SLCO3A1: variants seen among roughly 807,000 people sequenced by gnomAD.
SLCO3A1 encodes the protein solute carrier organic anion transporter family member 3A1.
SLCO3A1 carries 27 observed loss-of-function variants against 63.1 expected under a neutral mutation model. That is an observed-to-expected ratio of 0.43 (90% CI 0.32 to 0.59). SLCO3A1 has a LOEUF of 0.59. Ranked by LOEUF, SLCO3A1 falls within the 20% of genes least tolerant of loss-of-function variation. SLCO3A1 has a pLI of 0.09. For missense variants in SLCO3A1, 773 were observed against 945.8 expected (o/e 0.82, Z 2.40); for synonymous variants, 473 against 409.9 (o/e 1.15, Z -1.86).
intron 5 of SLCO3A1, among the ~76,000 whole-genome samples, chr15:92,122,228 C>T (rs143936744): frequency 7.2e-5 from 11 of 152,156 alleles, no homozygotes; most frequent in East Asian, 1.9e-4. Flanking sequence ...GGGAGGGACA[C>T]GTGATGGAAG....
chr15:91,936,286 G>A (rs1198325143), intron 2 of SLCO3A1, among the ~76,000 whole-genome samples: 2 of 152,214 alleles, frequency 1.3e-5, no homozygotes, highest in African/African-American at 2.4e-5. Context: ...AGCTATAGGA[G>A]GTTTTCGTCC....
rs1484201180 is a variant in SLCO3A1 at position 91,943,017 on chromosome 15, T to C, written c.646+26559T>C. Among the ~76,000 whole-genome samples the C allele has an allele frequency of 4.6e-5, 7 of 152,234 alleles. No individual in the cohort carries two copies. The East Asian group carries it at 1.2e-3, about 25-fold the overall frequency. On this transcript the variant is annotated intron_variant, in intron 2 of 9. Transcript: ENST00000318445. ...CATCTCCCTTGACCTTCTGTCCTTG[T>C]AATTAATTCAGGTCTCCACAGAGCA...
At chr15:92,096,674 T>C (rs1435196325) in intron 3 of SLCO3A1, among the ~76,000 whole-genome samples, 2 of 152,234 alleles carry the variant, frequency 1.3e-5, no homozygotes, top group Non-Finnish European at 2.9e-5. Flanking sequence ...ATGCTAAATT[T>C]ACTAATTCAC....
At chr15:92,066,197 G>C (rs1156952193) in intron 2 of SLCO3A1, among the ~76,000 whole-genome samples, 2 of 152,328 alleles carry the variant, frequency 1.3e-5, no homozygotes, top group Non-Finnish European at 1.5e-5. Context: ...GAAGAGGCCA[G>C]GTCAAGTCTA....
At chr15:92,156,186 T>TA (rs1176617804) in intron 9 of SLCO3A1, among the ~76,000 whole-genome samples, 1 of 152,184 alleles carries the variant, frequency 6.6e-6, no homozygotes, top group Non-Finnish European at 1.5e-5. Context: ...TAAGTGCTGC[T>TA]TTGGAAGAAG....
chr15:91,984,629 G>T (rs770141792), intron 2 of SLCO3A1, among the ~76,000 whole-genome samples: 4 of 152,126 alleles, frequency 2.6e-5, no homozygotes, highest in African/African-American at 9.7e-5. Flanking sequence ...GGAGATAAAG[G>T]TGAAATAAAC....
intron 2 of SLCO3A1, among the ~76,000 whole-genome samples, chr15:91,969,913 G>C (rs896261832): frequency 1.3e-5 from 2 of 152,074 alleles, no homozygotes; most frequent in African/African-American, 4.8e-5. Flanking sequence ...ATTTGACCTG[G>C]GCGCAGTCAT....
chr15:92,120,741 G>A (rs2151561214), intron 5 of SLCO3A1, 112 bp downstream of exon 5: 2 of 855,820 alleles, frequency 2.3e-6, no homozygotes, highest in Non-Finnish European at 3.8e-6. Context: ...TGGGCCTACA[G>A]CAACAAGATA....
At chr15:92,061,846 C>T (rs2047089880) in intron 2 of SLCO3A1, among the ~76,000 whole-genome samples, 1 of 152,234 alleles carries the variant, frequency 6.6e-6, no homozygotes, top group South Asian at 2.1e-4. Flanking sequence ...CATCCTTACA[C>T]AAGGGCCTCC....
chr15:92,110,052 G>T (rs929963386), intron 4 of SLCO3A1, among the ~76,000 whole-genome samples: 2 of 152,172 alleles, frequency 1.3e-5, no homozygotes, highest in African/African-American at 2.4e-5. Flanking sequence ...GTGTAACAAA[G>T]CCCTTCCTGT....
chr15:91,950,011 AAAC>A lies in SLCO3A1; in HGVS notation c.646+33560_646+33562del, dbSNP rs1312699338. On this transcript the variant is annotated intron_variant, in intron 2 of 9. Coordinates refer to ENST00000318445, the MANE Select transcript of SLCO3A1 (RefSeq NM_013272.4). The surrounding 1 kb of genome is among the most constrained non-coding windows in gnomAD (Gnocchi z 4.4). ...AACAGAACCAGACCCTGTCTCTAAAAAACAACAACGAAAAGAAGGCAGACTGTG... is the reference window on the plus strand; with the variant it reads ...AACAGAACCAGACCCTGTCTCTAAAAAACAACGAAAAGAAGGCAGACTGTG... Among the ~76,000 whole-genome samples the A allele has an allele frequency of 3.9e-5, 6 of 152,294 alleles. No individual in the cohort carries two copies. The highest frequency in any genetic ancestry group is 2.1e-4 in the South Asian group (1 of 4,826).
rs1159680048 is a variant in SLCO3A1, at chr15:91,885,105, G to T, written c.181-30888G>T. Among the ~76,000 whole-genome samples, 2 of 152,204 alleles carry T rather than the reference G, an allele frequency of 1.3e-5. No homozygotes were observed. The highest frequency in any genetic ancestry group is 6.5e-5 in the Admixed American group (1 of 15,288). On this transcript the variant is annotated intron_variant, in intron 1 of 9. Coordinates refer to ENST00000318445, the MANE Select transcript of SLCO3A1 (RefSeq NM_013272.4). The surrounding 1 kb of genome is among the most constrained non-coding windows in gnomAD (Gnocchi z 4.7). The stretch of plus-strand genomic sequence containing the variant: ...TCCCATATAGGGACACAGAAAGGAG[G>T]TGATGGGGGTGGTGCTGAGCCTGCC...
chr15:92,127,329 G>A (rs549035556), intron 6 of SLCO3A1, among the ~76,000 whole-genome samples: 2 of 151,564 alleles, frequency 1.3e-5, no homozygotes, highest in East Asian at 3.9e-4. Flanking sequence ...CTATAATGAC[G>A]TTATTCTTCC....
intron 2 of SLCO3A1, among the ~76,000 whole-genome samples, chr15:91,964,963 C>G (rs902386247): frequency 6.6e-6 from 1 of 151,964 alleles, no homozygotes; most frequent in Admixed American, 6.6e-5. Context: ...GCAGTCCTAC[C>G]TCTAGACTTT....
rs183763035 is a variant in SLCO3A1 at position 92,141,705 on chromosome 15, A to G, written c.1513-5279A>G. ...TCTGCACTCTGGGAAAGGTGAAACT[A>G]CCTAAGTCCTCATCTGCAGTTCTTC... On this transcript the variant is annotated intron_variant, in intron 7 of 9. Coordinates refer to ENST00000318445, the MANE Select transcript of SLCO3A1 (RefSeq NM_013272.4). Among the ~76,000 whole-genome samples, 3 of 152,276 alleles carry G rather than the reference A, an allele frequency of 2.0e-5. No individual in the cohort carries two copies. The East Asian group carries it at 5.8e-4, about 29-fold the overall frequency.
intron 6 of SLCO3A1, among the ~76,000 whole-genome samples, chr15:92,127,190 C>T (rs2151567156): frequency 6.6e-6 from 1 of 152,370 alleles, no homozygotes. Context: ...CCGCCCCAGC[C>T]TGGCCCCGAC....
chr15:92,097,550 A>G (rs939195239), intron 3 of SLCO3A1, among the ~76,000 whole-genome samples: 1 of 152,212 alleles, frequency 6.6e-6, no homozygotes, highest in African/African-American at 2.4e-5. Context: ...CCATGGTTCC[A>G]GGCTCATTGG....
intron 2 of SLCO3A1, among the ~76,000 whole-genome samples, chr15:92,043,881 C>A (rs1400475212): frequency 1.3e-5 from 2 of 152,126 alleles, no homozygotes; most frequent in Admixed American, 6.5e-5. Flanking sequence ...CCTGTTCCTG[C>A]CTCCCTCCTC....
chr15:91,915,391 T>G (rs985592532), intron 1 of SLCO3A1, among the ~76,000 whole-genome samples: 12 of 152,152 alleles, frequency 7.9e-5, no homozygotes, highest in Non-Finnish European at 1.5e-4. Context: ...CAGGGGTGTA[T>G]TTACCTGATG....
Sources: allele counts gnomAD v4.1 joint callset (sites outside exome capture counted in the v4.1 genomes callset), GRCh38; gene constraint gnomAD v4.1.1; non-coding constraint Gnocchi (gnomAD v3.1); transcripts MANE v1.5; gene names NCBI Gene and HGNC (gene_info 2026-07-23, HGNC 2026-07-21).